REDIC1: variants seen among roughly 807,000 people sequenced by gnomAD.
The protein encoded by REDIC1 is HEI10 Interacting Protein 1.
the REDIC1 span, among the ~76,000 whole-genome samples, chr12:39,668,225 T>A: frequency 3.3e-5 from 5 of 152,220 alleles, no homozygotes; most frequent in Non-Finnish European, 7.3e-5. Flanking sequence ...TTTCCATGTT[T>A]ATTGCTTCCT....
the REDIC1 span, among the ~76,000 whole-genome samples, chr12:39,777,553 C>T: frequency 2.6e-5 from 4 of 152,152 alleles, no homozygotes; most frequent in Non-Finnish European, 5.9e-5. Flanking sequence ...TTTTTGTTTT[C>T]CTGCACAAAT....
chr12:39,874,906 G>T, the REDIC1 span, among the ~76,000 whole-genome samples: 2 of 152,196 alleles, frequency 1.3e-5, no homozygotes, highest in Admixed American at 1.3e-4. Context: ...GGCAATTGCA[G>T]ATTATCTGGA....
At chr12:39,884,845 T>G in the REDIC1 span, among the ~76,000 whole-genome samples, 2 of 152,186 alleles carry the variant, frequency 1.3e-5, no homozygotes, top group African/African-American at 4.8e-5. Context: ...GGCAAGGAAT[T>G]CAAGATGCAA....
At chr12:39,711,315 TC>T in the REDIC1 span, among the ~76,000 whole-genome samples, 3 of 145,936 alleles carry the variant, frequency 2.1e-5, no homozygotes, top group East Asian at 4.0e-4. Flanking sequence ...TGTGTATATA[TC>T]CATATATGTA....
the REDIC1 span, among the ~76,000 whole-genome samples, chr12:39,659,651 CCT>C: frequency 9.4e-5 from 14 of 148,546 alleles, no homozygotes; most frequent in Admixed American, 8.9e-4. Flanking sequence ...TTCAGTATTT[CCT>C]CTGTCTCCTT....
At chr12:39,701,800 C>A in the REDIC1 span, among the ~76,000 whole-genome samples, 1 of 151,876 alleles carries the variant, frequency 6.6e-6, no homozygotes, top group Admixed American at 6.6e-5. Context: ...CAAAACCGCT[C>A]AACTACATGG....
At chr12:39,879,656 T>C in the REDIC1 span, among the ~76,000 whole-genome samples, 2 of 152,246 alleles carry the variant, frequency 1.3e-5, no homozygotes, top group Non-Finnish European at 2.9e-5. Context: ...CCAATGCCTA[T>C]ACCCCCAGTG....
At chr12:39,770,562 G>A in the REDIC1 span, among the ~76,000 whole-genome samples, 1 of 152,144 alleles carries the variant, frequency 6.6e-6, no homozygotes, top group Non-Finnish European at 1.5e-5. Context: ...CCTGTTTCCT[G>A]ATCTGTGAGA....
the REDIC1 span, chr12:39,819,921 T>G: frequency 6.6e-6 from 1 of 152,534 alleles, no homozygotes; most frequent in Non-Finnish European, 1.5e-5. Context: ...AATGTCAAAT[T>G]TCAATCCTAT....
At chr12:39,717,009 A>C in the REDIC1 span, among the ~76,000 whole-genome samples, 1 of 151,950 alleles carries the variant, frequency 6.6e-6, no homozygotes, top group African/African-American at 2.4e-5. Flanking sequence ...AAATGTAGAA[A>C]AGAAAAATGT....
the REDIC1 span, chr12:39,720,921 C>T: frequency 7.7e-5 from 124 of 1,613,466 alleles, no homozygotes; most frequent in Admixed American, 1.2e-4. Context: ...TTGTTAAAAA[C>T]GATGACAAAA....
At chr12:39,855,695 A>G in the REDIC1 span, among the ~76,000 whole-genome samples, 1 of 152,198 alleles carries the variant, frequency 6.6e-6, no homozygotes, top group Admixed American at 6.5e-5. Flanking sequence ...AAAGTACTAT[A>G]TTCTTCGATT....
At chr12:39,706,459 A>G in the REDIC1 span, among the ~76,000 whole-genome samples, 1 of 152,082 alleles carries the variant, frequency 6.6e-6, no homozygotes, top group Non-Finnish European at 1.5e-5. Flanking sequence ...AACCAATTCC[A>G]AAATGTATAT....
At chr12:39,705,095 AAAAAAT>A in the REDIC1 span, among the ~76,000 whole-genome samples, 1 of 150,864 alleles carries the variant, frequency 6.6e-6, no homozygotes, top group African/African-American at 2.5e-5. Context: ...AATTAAATTA[AAAAAAT>A]AAATAAATAA....
At chr12:39,695,561 G>C in the REDIC1 span, among the ~76,000 whole-genome samples, 1 of 152,132 alleles carries the variant, frequency 6.6e-6, no homozygotes, top group South Asian at 2.1e-4. Context: ...TGGTTTGAAT[G>C]TAAGCTCAGC....
the REDIC1 span, among the ~76,000 whole-genome samples, chr12:39,887,930 C>G: frequency 5.1e-4 from 77 of 152,176 alleles, no homozygotes; most frequent in Non-Finnish European, 1.9e-4. Context: ...CCTTTTCCTT[C>G]TAATTTCAGG....
chr12:39,707,476 G>A, the REDIC1 span, among the ~76,000 whole-genome samples: 1 of 151,732 alleles, frequency 6.6e-6, no homozygotes, highest in African/African-American at 2.4e-5. Context: ...TAAAAATAGA[G>A]CTACCATATG....
the REDIC1 span, among the ~76,000 whole-genome samples, chr12:39,737,847 A>G: frequency 6.6e-6 from 1 of 152,178 alleles, no homozygotes; most frequent in Non-Finnish European, 1.5e-5. Context: ...CTTCTCCAGA[A>G]CTTATGCCTT....
the REDIC1 span, among the ~76,000 whole-genome samples, chr12:39,872,910 G>A: frequency 6.6e-6 from 1 of 152,142 alleles, no homozygotes; most frequent in Admixed American, 6.6e-5. Flanking sequence ...TCAGACAGTG[G>A]TCATCCAAGC....
Sources: allele counts gnomAD v4.1 joint callset (sites outside exome capture counted in the v4.1 genomes callset), GRCh38; gene constraint gnomAD v4.1.1; transcripts MANE v1.5; gene names NCBI Gene and HGNC (gene_info 2026-07-23, HGNC 2026-07-21).